MPP3: variants seen among roughly 807,000 people sequenced by gnomAD.
MPP3 encodes the protein MAGUK p55 subfamily member 3.
A neutral mutation model predicts 80.7 loss-of-function variants in MPP3; 48 were observed. The observed-to-expected ratio is 0.59, with a 90% CI of 0.47 to 0.76. MPP3 has a LOEUF of 0.76. Among genes scored for constraint, MPP3 ranks in the 30% least tolerant of loss-of-function variants. The pLI is 0.00. For missense variants in MPP3, 620 were observed against 763.0 expected (o/e 0.81, Z 2.21); for synonymous variants, 311 against 297.6 (o/e 1.04, Z -0.46).
At chr17:43,812,545 G>T (rs1250079033) in intron 16 of MPP3, among the ~76,000 whole-genome samples, 1 of 152,152 alleles carries the variant, frequency 6.6e-6, no homozygotes, top group East Asian at 1.9e-4. Flanking sequence ...TGCACATGTT[G>T]TTTCCTCTGT....
In MPP3 at chr17:43,823,878, C is replaced by A; in HGVS notation, c.684+53G>T. The A allele has an allele frequency of 5.4e-6, 7 of 1,304,844 alleles. No homozygotes were observed. In the South Asian group the frequency reaches 8.7e-5, roughly 16 times the overall value. The allele number at this position is 1,304,844 out of a possible 1,614,324, so 80.8% of individuals were successfully genotyped here. A position where few individuals can be genotyped will look rare whatever the true frequency, so the allele number is the denominator to read the frequency against. ...TGGACTGGATCCAGCCCCCAGCCAGCGAGCTGCATCTCTCAAGCTGAGAGA... is the reference window on the plus strand; with the variant it reads ...TGGACTGGATCCAGCCCCCAGCCAGAGAGCTGCATCTCTCAAGCTGAGAGA... On this transcript the variant is annotated intron_variant, in intron 10 of 19. Transcript: ENST00000398389.
chr17:43,829,196 T>A (rs993432095), intron 7 of MPP3, among the ~76,000 whole-genome samples: 1 of 152,214 alleles, frequency 6.6e-6, no homozygotes, highest in Non-Finnish European at 1.5e-5. Context: ...ACGTTTTCTA[T>A]AAGGGGCCAC....
At chr17:43,808,893 G>C in intron 19 of MPP3, 63 bp downstream of exon 19, 2 of 1,548,802 alleles carry the variant, frequency 1.3e-6, no homozygotes, top group Non-Finnish European at 1.7e-6. Flanking sequence ...TATGCAGCTA[G>C]AAGCGTTCCT....
chr17:43,818,621 C>T (rs1258582453), intron 11 of MPP3, among the ~76,000 whole-genome samples: 2 of 152,142 alleles, frequency 1.3e-5, no homozygotes, highest in African/African-American at 4.8e-5. Context: ...CACTAGATTT[C>T]CACATTTAAA....
intron 3 of MPP3, 22 bp downstream of exon 3, chr17:43,831,860 C>A: frequency 6.3e-7 from 1 of 1,593,492 alleles, no homozygotes; most frequent in Non-Finnish European, 8.5e-7. Flanking sequence ...TGTGGCAGGT[C>A]CAGCCGGGGG....
At chr17:43,817,615 G>T (rs1314280157) in intron 12 of MPP3, among the ~76,000 whole-genome samples, 1 of 152,144 alleles carries the variant, frequency 6.6e-6, no homozygotes, top group Non-Finnish European at 1.5e-5. Flanking sequence ...TCCTTTATTT[G>T]TATTTGCCCA....
At chr17:43,815,887 T>C (rs1055039323) in intron 14 of MPP3, 151 bp downstream of exon 14, 4 of 763,692 alleles carry the variant, frequency 5.2e-6, no homozygotes, top group Admixed American at 5.8e-5. Context: ...CCTGCTTGGG[T>C]TGAGAGAACT....
Position 43,829,807 on chromosome 17 carries a change from G to C in MPP3, c.304-16C>G. ...TGAGCACAGCCTGCCGGGAAAGCCAGAGAAAAGGAAGGCTGGCCCGCCGCT... is the reference window on the plus strand; with the variant it reads ...TGAGCACAGCCTGCCGGGAAAGCCACAGAAAAGGAAGGCTGGCCCGCCGCT... On this transcript the variant is annotated splice_polypyrimidine_tract_variant and intron_variant, in intron 6 of 19. Transcript: ENST00000398389. 6.2e-7 allele frequency: 1 copy of C among 1,610,648 alleles called. No homozygotes were observed. The highest frequency in any genetic ancestry group is 1.1e-5 in the South Asian group (1 of 90,678).
chr17:43,814,508 T>C (rs2045021794), intron 14 of MPP3, 147 bp from the exon 15 acceptor site: 7 of 704,550 alleles, frequency 9.9e-6, no homozygotes, highest in Non-Finnish European at 1.6e-5. Flanking sequence ...CTGGAAGAGG[T>C]TGTTCAGGAA....
rs748468799 is a variant in MPP3 at position 43,813,992 on chromosome 17, C to G, written c.1255+19G>C. On this transcript the variant is annotated intron_variant, in intron 16 of 19. Coordinates refer to ENST00000398389, the MANE Select transcript of MPP3 (RefSeq NM_001932.6). ...GTGTGTGTGCAGACAAACACACACT[C>G]CCACATGGGCCCTCTTACGTGGAAC... 9 of 1,592,864 alleles carry G rather than the reference C, an allele frequency of 5.7e-6. No homozygotes were observed. The South Asian group carries it at 8.9e-5, about 16-fold the overall frequency.
In MPP3 at chr17:43,831,832, G is replaced by A. The variant is rs757102908; in HGVS notation, c.25+50C>T. The A allele has an allele frequency of 1.1e-5, 17 of 1,556,876 alleles. No homozygotes were observed. In the African/African-American group the frequency reaches 1.2e-4, roughly 11 times the overall value. On this transcript the variant is annotated intron_variant, in intron 3 of 19. Coordinates refer to ENST00000398389, the MANE Select transcript of MPP3 (RefSeq NM_001932.6). ...GCCAGGGCCTGGAGGCTGCCAGGCA[G>A]GCTCTTGTCTTCAGGACTGTGGCAG... is the stretch of plus-strand genomic sequence containing the variant.
intron 6 of MPP3, 25 bp downstream of exon 6, chr17:43,830,002 C>A (rs1168566431): frequency 3.1e-6 from 5 of 1,606,666 alleles, no homozygotes; most frequent in Non-Finnish European, 4.2e-6. Flanking sequence ...AGAGGCATGG[C>A]TGGGCAGGGG....
At position 43,831,643 on chromosome 17, in the gene MPP3, C is replaced by A; in HGVS notation, c.60G>T (p.Gln20His). Reference sequence around the variant, plus strand: ...CCTTGTGGTTGGAGTCAGGTCTGAGCTGGGAGGTCAGCAGGGCCAGGGTTT... The same window carrying A: ...CCTTGTGGTTGGAGTCAGGTCTGAGATGGGAGGTCAGCAGGGCCAGGGTTT... ...LHETLALLTS[Q>H]LRPDSNHKEE... The change falls in exon 4 of 20, where the codon CAG (glutamine) becomes CAT (histidine). Residue 20 changes from glutamine (Q) to histidine (H), a missense_variant. By Grantham distance (24) the Gln-to-His change is conservative (BLOSUM62 0). Coordinates refer to ENST00000398389, the MANE Select transcript of MPP3 (RefSeq NM_001932.6). The A allele has an allele frequency of 6.2e-7, 1 of 1,613,336 alleles. No individual in the cohort carries two copies. The highest frequency in any genetic ancestry group is 8.5e-7 in the Non-Finnish European group (1 of 1,179,454).
At chr17:43,817,900 CA>C in intron 12 of MPP3, 145 bp downstream of exon 12, 1 of 446,532 alleles carries the variant, frequency 2.2e-6, no homozygotes, top group Admixed American at 4.4e-5. Context: ...TCCTACTTCC[CA>C]CCCCCTCCTT....
intron 7 of MPP3, among the ~76,000 whole-genome samples, chr17:43,828,553 T>A (rs998678393): frequency 1.3e-5 from 2 of 152,250 alleles, no homozygotes; most frequent in African/African-American, 4.8e-5. Context: ...CTGTGAGATG[T>A]GGGACAGCAT....
chr17:43,818,545 C>T (rs867020024), intron 11 of MPP3, among the ~76,000 whole-genome samples: 1 of 152,154 alleles, frequency 6.6e-6, no homozygotes, highest in Non-Finnish European at 1.5e-5. Context: ...CTCCCCTCAG[C>T]GGAAGGCTCA....
intron 19 of MPP3, among the ~76,000 whole-genome samples, chr17:43,804,891 C>T (rs147391056): frequency 2.7e-4 from 41 of 152,216 alleles, no homozygotes; most frequent in African/African-American, 6.7e-4. Flanking sequence ...TGATGGCATG[C>T]GCCTGTAATC....
chr17:43,827,016 CT>C (rs202007993), intron 8 of MPP3, among the ~76,000 whole-genome samples: 2 of 116,402 alleles, frequency 1.7e-5, no homozygotes, highest in East Asian at 3.9e-4. Flanking sequence ...TTTTCTTTTT[CT>C]TTTTTTCTTT....
chr17:43,829,843 G>A, intron 6 of MPP3, 52 bp from the exon 7 acceptor site: 2 of 1,610,896 alleles, frequency 1.2e-6, no homozygotes, highest in South Asian at 2.2e-5. Context: ...CACAGGGTCA[G>A]CAGGCCGCAG....
Sources: gnomAD v4.1 joint callset for allele counts (sites outside exome capture counted in the v4.1 genomes callset) on GRCh38, gnomAD v4.1.1 for gene constraint, MANE v1.5 for transcripts, NCBI Gene and HGNC (gene_info 2026-07-23, HGNC 2026-07-21) for gene names.